Variants in RBM48 observed in about 807,000 individuals in gnomAD.
The protein encoded by RBM48 is RNA-binding protein 48.
A neutral mutation model predicts 34.8 loss-of-function variants in RBM48; 32 were observed. That is an observed-to-expected ratio of 0.92 (90% CI 0.69 to 1.23). The LOEUF is 1.23. Among genes scored for constraint, RBM48 ranks in the 50% most tolerant of loss-of-function variants. RBM48 has a pLI of 0.00. For synonymous variants in RBM48, 151 were observed against 156.2 expected, an observed-to-expected ratio of 0.97 and a Z score of 0.25; for missense variants, 441 against 447.2, an observed-to-expected ratio of 0.99 and a Z score of 0.12.
chr7:92,528,959 T>C, intron 1 of RBM48, 35 bp downstream of exon 1: 4 of 1,471,338 alleles, frequency 2.7e-6, no homozygotes, highest in Non-Finnish European at 3.8e-6. Context: ...CTCTCCTCGG[T>C]AGCTTTATGT....
intron 3 of RBM48, among the ~76,000 whole-genome samples, chr7:92,533,868 C>G (rs988527117): frequency 3.3e-5 from 5 of 151,404 alleles, no homozygotes; most frequent in Admixed American, 1.3e-4. Context: ...AGGCCCTTGC[C>G]AGCCCTAGAA....
intron 1 of RBM48, 138 bp downstream of exon 1, chr7:92,529,062 C>G (rs540502341): frequency 4.3e-6 from 3 of 703,222 alleles, no homozygotes; most frequent in African/African-American, 3.6e-5. Flanking sequence ...GTGAAGAACC[C>G]TCGGTCAGTT....
intron 4 of RBM48, chr7:92,535,284 C>A: frequency 8.0e-7 from 1 of 1,250,558 alleles, no homozygotes; most frequent in Non-Finnish European, 1.0e-6. Flanking sequence ...AAAAGCTCCC[C>A]AGGTAGTTCT....
Position 92,535,062 on chromosome 7 carries a change from T to C in RBM48, c.1017+92T>C, listed in dbSNP as rs1216838855. ...TGTGGGAACAATAGTACTGTAATTT[T>C]TTTTCACTTTTTAGTGTTTTGATGT... On this transcript the variant is annotated intron_variant, in intron 4 of 4. Coordinates refer to ENST00000265732, the MANE Select transcript of RBM48 (RefSeq NM_032120.4). 6.6e-6 allele frequency: 10 copies of C among 1,516,580 alleles called. No individual in the cohort carries two copies. The East Asian group carries it at 2.4e-4, about 37-fold the overall frequency. The allele number at this position is 1,516,580 out of a possible 1,614,324, so 93.9% of individuals were successfully genotyped here.
intron 4 of RBM48, chr7:92,536,392 A>C: frequency 1.0e-6 from 1 of 985,204 alleles, no homozygotes; most frequent in Non-Finnish European, 1.2e-6. Flanking sequence ...CTCTTTGTAC[A>C]CTCTTTTTCT....
At chr7:92,532,323 T>G in intron 2 of RBM48, 81 bp from the exon 3 acceptor site, 2 of 1,208,408 alleles carry the variant, frequency 1.7e-6, no homozygotes, top group Non-Finnish European at 2.4e-6. Context: ...GCTCTTTAGA[T>G]CCAGATATTG....
At position 92,538,141 on chromosome 7, in the gene RBM48, C is replaced by G. The variant is rs887011322; in HGVS notation, c.*1204C>G. On this transcript the variant is annotated 3_prime_UTR_variant, in exon 5 of 5. Coordinates refer to ENST00000265732, the MANE Select transcript of RBM48 (RefSeq NM_032120.4). ...TAGCAGGACGAGCTGCAGACAAAAC[C>G]CCGCAGACACCAGGTTATAGAAAGA... 1 of 152,138 alleles carries G rather than the reference C, an allele frequency of 6.6e-6. No homozygotes were observed. The highest frequency in any genetic ancestry group is 1.5e-5 in the Non-Finnish European group (1 of 68,030). The allele number at this position is 152,138 out of a possible 1,614,324, so 9.4% of individuals were successfully genotyped here.
Position 92,529,630 on chromosome 7 carries a change from T to A in RBM48, c.266T>A (p.Val89Asp), listed in dbSNP as rs1562875174. 1 of 1,602,010 alleles carries A rather than the reference T, an allele frequency of 6.2e-7. No homozygotes were observed. Among genetic ancestry groups the A allele is most frequent in the Admixed American group, 1.7e-5 (1 of 58,048 alleles). The change falls in exon 2 of 5, where the codon GTT (valine) becomes GAT (aspartate). Residue 89 changes from valine (V) to aspartate (D), a missense_variant. Physicochemically the swap from Val to Asp is radical, Grantham distance 152. Coordinates refer to ENST00000265732, the MANE Select transcript of RBM48 (RefSeq NM_032120.4). ...TACCCAGCAGAAGACTTTACTGAAG[T>A]TTATCTTATTAAATTTATGAACTTA... ...DEYPAEDFTE[V>D]YLIKFMNLQS...
At position 92,534,903 on chromosome 7, in the gene RBM48, C is replaced by G; in HGVS notation, c.950C>G (p.Ser317Cys). 1 of 1,614,154 alleles carries G rather than the reference C, an allele frequency of 6.2e-7. No individual in the cohort carries two copies. Reference sequence around the variant, plus strand: ...ATTGGACCTCTGTTACCAGACATCTCTAAAGTGGATATGCACGATGACTCA... The same window carrying G: ...ATTGGACCTCTGTTACCAGACATCTGTAAAGTGGATATGCACGATGACTCA... ...IMIGPLLPDISKVDMHDDSLN... is the reference protein window; with the variant it reads ...IMIGPLLPDICKVDMHDDSLN... The change falls in exon 4 of 5, where the codon TCT (serine) becomes TGT (cysteine). Residue 317 changes from serine (S) to cysteine (C), a missense_variant. Transcript: ENST00000265732.
At chr7:92,536,240 T>G (rs1348321884) in intron 4 of RBM48, 2 of 984,518 alleles carry the variant, frequency 2.0e-6, no homozygotes, top group African/African-American at 1.7e-5. Context: ...GCTGATTACA[T>G]TTTCAAGATA....
chr7:92,529,171 C>G (rs1450473819), intron 1 of RBM48: 2 of 585,548 alleles, frequency 3.4e-6, no homozygotes, highest in African/African-American at 1.9e-5. Context: ...GTTTACAGTA[C>G]TACTTGGCAC....
Position 92,534,821 on chromosome 7 carries a change from G to A in RBM48, c.868G>A (p.Asp290Asn), listed in dbSNP as rs1793668089. Residue 290 changes from aspartate (D) to asparagine (N), a missense_variant, in exon 4 of 5, where the codon GAT becomes AAT. Asp to Asn is a conservative substitution (Grantham distance 23). Coordinates refer to ENST00000265732, the MANE Select transcript of RBM48 (RefSeq NM_032120.4). ...GCAGGAGCGCAAAAGAAGAAGAGAA[G>A]ATGATCGTAAACTTGGAACTTTTCT... is the stretch of plus-strand genomic sequence containing the variant. ...QLQERKRRRE[D>N]DRKLGTFLQT... 1 of 1,614,176 alleles carries A rather than the reference G, an allele frequency of 6.2e-7. No individual in the cohort carries two copies. The highest frequency in any genetic ancestry group is 8.5e-7 in the Non-Finnish European group (1 of 1,180,014).
chr7:92,535,831 C>G (rs1562878572), intron 4 of RBM48: 11 of 981,862 alleles, frequency 1.1e-5, no homozygotes, highest in South Asian at 4.7e-5. Context: ...AGTTTTGAAG[C>G]CTTCTTTAGC....
intron 3 of RBM48, 94 bp from the exon 4 acceptor site, chr7:92,534,308 T>G: frequency 6.9e-7 from 1 of 1,439,242 alleles, no homozygotes; most frequent in South Asian, 1.3e-5. Flanking sequence ...TTAACATTTT[T>G]AAGTGATTTT....
rs1203770625 is a variant in RBM48 at position 92,539,656 on chromosome 7, A to G, written c.*2719A>G. Among the ~76,000 whole-genome samples the G allele has an allele frequency of 6.6e-6, 1 of 152,220 alleles. No individual in the cohort carries two copies. Among genetic ancestry groups the G allele is most frequent in the Non-Finnish European group, 1.5e-5 (1 of 68,038 alleles). ...AGAGATCGCAGTGAGTTGAGATTGT[A>G]CCACTGCACTCCAGTCTGGGCAACA... is the stretch of plus-strand genomic sequence containing the variant. On this transcript the variant is annotated 3_prime_UTR_variant, in exon 5 of 5. Coordinates refer to ENST00000265732, the MANE Select transcript of RBM48 (RefSeq NM_032120.4).
chr7:92,539,863 A>G lies in RBM48; in HGVS notation c.*2926A>G, dbSNP rs1258980009. Among the ~76,000 whole-genome samples, 1 of 152,218 alleles carries G rather than the reference A, an allele frequency of 6.6e-6. No homozygotes were observed. Among genetic ancestry groups the G allele is most frequent in the Non-Finnish European group, 1.5e-5 (1 of 68,022 alleles). On this transcript the variant is annotated 3_prime_UTR_variant, in exon 5 of 5. Transcript: ENST00000265732. ...AACCTTCATAAGCACAAAGTACTCTATGTCTCCAAAATTTTAAAAACATTG... is the reference window on the plus strand; with the variant it reads ...AACCTTCATAAGCACAAAGTACTCTGTGTCTCCAAAATTTTAAAAACATTG...
chr7:92,532,208 C>T (rs1269889096), intron 2 of RBM48, among the ~76,000 whole-genome samples, 196 bp from the exon 3 acceptor site: 1 of 152,168 alleles, frequency 6.6e-6, no homozygotes, highest in African/African-American at 2.4e-5. Flanking sequence ...AAAGGGGAGG[C>T]TCTACGAGTA....
chr7:92,531,550 G>C (rs1306471360), intron 2 of RBM48, among the ~76,000 whole-genome samples: 1 of 152,172 alleles, frequency 6.6e-6, no homozygotes, highest in Non-Finnish European at 1.5e-5. Context: ...GGTCTTGTGT[G>C]GTTTTCTCAG....
At chr7:92,534,004 G>A (rs1448659629) in intron 3 of RBM48, among the ~76,000 whole-genome samples, 4 of 146,064 alleles carry the variant, frequency 2.7e-5, no homozygotes, top group Admixed American at 2.0e-4. Flanking sequence ...TCTATATAAT[G>A]ATGAAAAACC....
Sources: gnomAD v4.1 joint callset for allele counts (sites outside exome capture counted in the v4.1 genomes callset) on GRCh38, gnomAD v4.1.1 for gene constraint, MANE v1.5 for transcripts, NCBI Gene and HGNC (gene_info 2026-07-23, HGNC 2026-07-21) for gene names.